Variants in TPTE observed in about 807,000 individuals in gnomAD.
The protein encoded by TPTE is transmembrane phosphatase with tensin homology.
Under a neutral mutation model 84.1 loss-of-function variants are expected in TPTE, and 59 were observed. That is an observed-to-expected ratio of 0.70 (90% CI 0.57 to 0.87). The LOEUF is 0.87. TPTE is among the 40% of genes least tolerant of loss of function. The pLI is 0.00. For missense variants in TPTE, 382 were observed against 659.6 expected (o/e 0.58, Z 4.61); for synonymous variants, 130 against 223.5 (o/e 0.58, Z 3.73).
Position 10,564,730 on chromosome 21 carries a change from A to C in TPTE, c.447-2940A>C, listed in dbSNP as rs1311608656. 2.0e-5 allele frequency among the ~76,000 whole-genome samples: 3 copies of C among 152,428 alleles called. No homozygotes were observed. The East Asian group carries it at 5.8e-4, about 29-fold the overall frequency. On this transcript the variant is annotated intron_variant, in intron 10 of 23. Coordinates refer to ENST00000618007, the MANE Select transcript of TPTE (RefSeq NM_199261.4). ...TCAATCAATGCGATACATTATATCCACACAGTAAAGGATAAAAACCATAAG... is the reference window on the plus strand; with the variant it reads ...TCAATCAATGCGATACATTATATCCCCACAGTAAAGGATAAAAACCATAAG...
Position 10,587,915 on chromosome 21 carries a change from T to C in TPTE, c.1028-2547T>C, listed in dbSNP as rs372617241. ...CCCAGGCTGGAATGCAGTGGTGCAA[T>C]CTCGGTCACTGCAACCTCCGCCTCC... On this transcript the variant is annotated intron_variant, in intron 17 of 23. Coordinates refer to ENST00000618007, the MANE Select transcript of TPTE (RefSeq NM_199261.4). Among the ~76,000 whole-genome samples the C allele has an allele frequency of 1.1e-4, 16 of 152,318 alleles. No homozygotes were observed. The East Asian group carries it at 2.5e-3, about 24-fold the overall frequency.
chr21:10,550,892 C>T (rs1239524201), intron 7 of TPTE, among the ~76,000 whole-genome samples: 1 of 152,304 alleles, frequency 6.6e-6, no homozygotes, highest in Non-Finnish European at 1.5e-5. Flanking sequence ...AATTGAAATT[C>T]TATCAGGTAT....
intron 8 of TPTE, among the ~76,000 whole-genome samples, chr21:10,556,684 C>T (rs1482551809): frequency 7.5e-4 from 115 of 152,384 alleles, no homozygotes; most frequent in Non-Finnish European, 1.4e-3. Context: ...TCAGTTTCTC[C>T]ACATCCTCTC....
At chr21:10,533,666 C>G (rs1230611610) in intron 3 of TPTE, among the ~76,000 whole-genome samples, 1 of 152,308 alleles carries the variant, frequency 6.6e-6, no homozygotes, top group Non-Finnish European at 1.5e-5. Flanking sequence ...GTCAGTCTCA[C>G]TGAAATCTAG....
chr21:10,560,767 G>A (rs1431777607), intron 9 of TPTE, among the ~76,000 whole-genome samples: 2 of 152,308 alleles, frequency 1.3e-5, no homozygotes, highest in African/African-American at 4.8e-5. Flanking sequence ...TCTCTCTTGA[G>A]GTGTTGGTCT....
chr21:10,549,344 AAAT>A (rs1160072715), intron 7 of TPTE, among the ~76,000 whole-genome samples: 2 of 152,308 alleles, frequency 1.3e-5, no homozygotes, highest in Non-Finnish European at 2.9e-5. Flanking sequence ...CTACAAAGGG[AAAT>A]AATAATTATC....
At chr21:10,575,309 T>G (rs2075128397) in intron 14 of TPTE, among the ~76,000 whole-genome samples, 1 of 152,308 alleles carries the variant, frequency 6.6e-6, no homozygotes. Flanking sequence ...CAGGAATCCC[T>G]GTAGGGGCTT....
intron 17 of TPTE, among the ~76,000 whole-genome samples, chr21:10,579,838 C>T (rs796320990): frequency 6.6e-5 from 10 of 152,380 alleles, no homozygotes; most frequent in African/African-American, 2.2e-4. Context: ...CTGCAGTGAA[C>T]ATGGGAGTGC....
At chr21:10,603,669 T>C in intron 23 of TPTE, 37 bp downstream of exon 23, 1 of 1,601,550 alleles carries the variant, frequency 6.2e-7, no homozygotes, top group Admixed American at 1.7e-5. Flanking sequence ...AACAGCCTAA[T>C]CTTCAATGTC....
At chr21:10,594,346 C>A (rs2075541072) in intron 19 of TPTE, among the ~76,000 whole-genome samples, 1 of 152,312 alleles carries the variant, frequency 6.6e-6, no homozygotes, top group Admixed American at 6.5e-5. Flanking sequence ...GGGACTACGT[C>A]ACTTTGCATC....
intron 2 of TPTE, 121 bp downstream of exon 2, chr21:10,524,809 G>A (rs2074050217): frequency 6.6e-6 from 1 of 152,404 alleles, no homozygotes; most frequent in African/African-American, 2.4e-5. Flanking sequence ...GTGGTAGACT[G>A]AGAGCTTTGA....
chr21:10,542,578 T>A, intron 6 of TPTE, 130 bp downstream of exon 6: 1 of 1,266,120 alleles, frequency 7.9e-7, no homozygotes, highest in Non-Finnish European at 1.1e-6. Flanking sequence ...CATCCATCCA[T>A]CCATCCATCC....
intron 3 of TPTE, among the ~76,000 whole-genome samples, chr21:10,532,303 A>G (rs1462920831): frequency 1.4e-4 from 21 of 152,300 alleles, no homozygotes; most frequent in Non-Finnish European, 2.8e-4. Context: ...ATTTATTAGC[A>G]TATAATTGAA....
chr21:10,603,268 G>A (rs1978808007), intron 22 of TPTE, among the ~76,000 whole-genome samples: 1 of 152,306 alleles, frequency 6.6e-6, no homozygotes, highest in Non-Finnish European at 1.5e-5. Context: ...AGTAGAGTCT[G>A]TTTGGCACTA....
intron 7 of TPTE, among the ~76,000 whole-genome samples, chr21:10,543,631 C>T (rs866200285): frequency 6.6e-6 from 1 of 152,310 alleles, no homozygotes; most frequent in Non-Finnish European, 1.5e-5. Flanking sequence ...CAATTCTTCT[C>T]ATTGTAGCAT....
chr21:10,539,864 C>G (rs1183557982), intron 4 of TPTE, among the ~76,000 whole-genome samples: 2 of 152,306 alleles, frequency 1.3e-5, no homozygotes, highest in Non-Finnish European at 2.9e-5. Context: ...ACAAAATTAA[C>G]CGGGTGTGGT....
At chr21:10,601,626 G>A (rs112060460) in intron 21 of TPTE, among the ~76,000 whole-genome samples, 145 of 151,980 alleles carry the variant, frequency 9.5e-4, no homozygotes, top group African/African-American at 3.2e-3. Context: ...GACCCAGGTG[G>A]GCAGATCACT....
At chr21:10,589,578 G>A (rs1301921833) in intron 17 of TPTE, among the ~76,000 whole-genome samples, 1 of 152,406 alleles carries the variant, frequency 6.6e-6, no homozygotes, top group African/African-American at 2.4e-5. Context: ...TGCCGGCAGC[G>A]TTTCCCTGTG....
chr21:10,596,318 T>C (rs1242822089), intron 20 of TPTE, among the ~76,000 whole-genome samples: 1 of 152,308 alleles, frequency 6.6e-6, no homozygotes, highest in African/African-American at 2.4e-5. Context: ...TTTGGGGGAC[T>C]TCATCCCTTT....
Sources: allele counts gnomAD v4.1 joint callset (sites outside exome capture counted in the v4.1 genomes callset), GRCh38; gene constraint gnomAD v4.1.1; transcripts MANE v1.5; gene names NCBI Gene and HGNC (gene_info 2026-07-23, HGNC 2026-07-21).